MACROD2: variants seen among roughly 807,000 people sequenced by gnomAD.
MACROD2 encodes mono-ADP ribosylhydrolase 2, also known as ADP-ribose glycohydrolase MACROD2.
A neutral mutation model predicts 70.4 loss-of-function variants in MACROD2; 36 were observed. The ratio of observed to expected loss-of-function variants is 0.51; its 90% CI spans 0.39 to 0.68. MACROD2 has a LOEUF of 0.68. MACROD2 is among the 30% of genes least tolerant of loss of function. The pLI, the probability that MACROD2 is intolerant of heterozygous loss-of-function variation, is 0.00. For missense variants in MACROD2, 496 were observed against 538.4 expected (o/e 0.92, Z 0.78); for synonymous variants, 172 against 178.8 (o/e 0.96, Z 0.30).
At chr20:16,023,501 G>T (rs2067033541) in intron 15 of MACROD2, among the ~76,000 whole-genome samples, 1 of 150,456 alleles carries the variant, frequency 6.6e-6, no homozygotes, top group Admixed American at 6.6e-5. Flanking sequence ...AAAAGAGATG[G>T]TGCCTTGGTT....
intron 9 of MACROD2, among the ~76,000 whole-genome samples, chr20:15,867,866 C>A (rs534319457): frequency 3.9e-5 from 6 of 152,276 alleles, no homozygotes. Flanking sequence ...TTAGGAAAAA[C>A]CAACCTTTGT....
intron 7 of MACROD2, among the ~76,000 whole-genome samples, chr20:15,477,786 G>A (rs1035916639): frequency 6.6e-6 from 1 of 152,174 alleles, no homozygotes; most frequent in African/African-American, 2.4e-5. Flanking sequence ...ATATTGGGAT[G>A]GGAGGATTCT....
At chr20:15,443,400 T>C (rs769034521) in intron 7 of MACROD2, among the ~76,000 whole-genome samples, 3 of 152,130 alleles carry the variant, frequency 2.0e-5, no homozygotes, top group Non-Finnish European at 1.5e-5. Context: ...CTGAAGATAA[T>C]AGTTCATACC....
At chr20:15,494,252 C>T (rs966947951) in intron 7 of MACROD2, among the ~76,000 whole-genome samples, 1 of 152,110 alleles carries the variant, frequency 6.6e-6, no homozygotes, top group Admixed American at 6.5e-5. Flanking sequence ...GTTATTGGCA[C>T]AGCTGCTTTG....
At chr20:14,588,228 T>G (rs1378069943) in intron 4 of MACROD2, among the ~76,000 whole-genome samples, 1 of 152,188 alleles carries the variant, frequency 6.6e-6, no homozygotes, top group East Asian at 1.9e-4. Context: ...TAAATCTTCT[T>G]GAGCTACTTT....
intron 2 of MACROD2, among the ~76,000 whole-genome samples, chr20:14,052,420 AT>A (rs2053579384): frequency 6.6e-6 from 1 of 152,184 alleles, no homozygotes; most frequent in Non-Finnish European, 1.5e-5. Flanking sequence ...AATATTTTGA[AT>A]ATTTTTAATA....
At chr20:15,790,216 G>T (rs2063611403) in intron 8 of MACROD2, among the ~76,000 whole-genome samples, 1 of 151,804 alleles carries the variant, frequency 6.6e-6, no homozygotes, top group Admixed American at 6.6e-5. Flanking sequence ...CCAAATGAAT[G>T]GTGGTATATT....
intron 4 of MACROD2, among the ~76,000 whole-genome samples, chr20:14,612,037 A>G (rs1983204317): frequency 6.6e-6 from 1 of 152,094 alleles, no homozygotes; most frequent in Non-Finnish European, 1.5e-5. Context: ...TTGCTTGCCT[A>G]GATTTTGCAG....
intron 5 of MACROD2, among the ~76,000 whole-genome samples, chr20:14,718,249 C>T (rs1175434228): frequency 3.2e-5 from 4 of 123,112 alleles, no homozygotes; most frequent in African/African-American, 1.3e-4. Flanking sequence ...GCTGAGATCA[C>T]ACCACTGCAC....
intron 7 of MACROD2, among the ~76,000 whole-genome samples, chr20:15,465,580 C>T (rs144640720): frequency 2.0e-5 from 3 of 152,380 alleles, no homozygotes; most frequent in Middle Eastern, 6.8e-3. Flanking sequence ...GAGGGGAGCG[C>T]CAGCTCAGGG....
intron 4 of MACROD2, among the ~76,000 whole-genome samples, chr20:14,602,075 C>T (rs552717507): frequency 6.6e-6 from 1 of 152,246 alleles, no homozygotes; most frequent in South Asian, 2.1e-4. Flanking sequence ...AATCTGATTT[C>T]CTGTCTCACG....
intron 3 of MACROD2, among the ~76,000 whole-genome samples, chr20:14,275,575 G>A (rs1432109214): frequency 1.3e-5 from 2 of 151,372 alleles, no homozygotes; most frequent in Non-Finnish European, 3.0e-5. Context: ...GCATGGGCAA[G>A]GACTTCATGT....
chr20:14,926,605 A>C (rs1178935990), intron 5 of MACROD2, among the ~76,000 whole-genome samples: 1 of 152,088 alleles, frequency 6.6e-6, no homozygotes, highest in Non-Finnish European at 1.5e-5. Context: ...TATATGAACA[A>C]GTCAAACTCA....
chr20:14,856,611 C>T (rs904342341), intron 5 of MACROD2, among the ~76,000 whole-genome samples: 11 of 152,192 alleles, frequency 7.2e-5, no homozygotes, highest in Non-Finnish European at 4.4e-5. Flanking sequence ...ATTTCTGGAT[C>T]TGTACTTCTC....
At chr20:15,707,482 A>C (rs2050552815) in intron 8 of MACROD2, among the ~76,000 whole-genome samples, 1 of 152,172 alleles carries the variant, frequency 6.6e-6, no homozygotes, top group Non-Finnish European at 1.5e-5. Context: ...AAAGGGAAAG[A>C]TATCAAAACA....
chr20:15,632,180 TAAATAA>T (rs1166583254), intron 8 of MACROD2, among the ~76,000 whole-genome samples: 2 of 150,366 alleles, frequency 1.3e-5, no homozygotes, highest in African/African-American at 2.4e-5. Context: ...AAAAAATAAA[TAAATAA>T]AAATAAAAAT....
intron 6 of MACROD2, among the ~76,000 whole-genome samples, chr20:15,242,947 C>T (rs375258708): frequency 2.0e-5 from 3 of 152,100 alleles, no homozygotes; most frequent in Admixed American, 6.5e-5. Flanking sequence ...GGAGAAGTCA[C>T]GTGATGATGC....
intron 3 of MACROD2, among the ~76,000 whole-genome samples, chr20:14,242,311 A>G (rs1443924651): frequency 6.6e-6 from 1 of 152,192 alleles, no homozygotes; most frequent in African/African-American, 2.4e-5. Flanking sequence ...GCACAAAAGC[A>G]TGTGAATATA....
intron 5 of MACROD2, among the ~76,000 whole-genome samples, chr20:14,876,943 C>G (rs962199631): frequency 6.6e-6 from 1 of 152,070 alleles, no homozygotes; most frequent in African/African-American, 2.4e-5. Flanking sequence ...TTTGGCTATT[C>G]AGGCTCCTTT....
Sources: gnomAD v4.1 joint callset for allele counts (sites outside exome capture counted in the v4.1 genomes callset) on GRCh38, gnomAD v4.1.1 for gene constraint, MANE v1.5 for transcripts, NCBI Gene and HGNC (gene_info 2026-07-23, HGNC 2026-07-21) for gene names.